The following LYRM4 variants were observed in gnomAD, a reference collection of about 807,000 sequenced individuals.
The protein encoded by LYRM4 is LYR motif containing 4.
In LYRM4, 9 loss-of-function variants were observed where a neutral mutation model predicts 11.7. The ratio of observed to expected loss-of-function variants is 0.77; its 90% CI spans 0.46 to 1.34. LYRM4 has a LOEUF of 1.34. Among genes scored for constraint, LYRM4 ranks in the 40% most tolerant of loss-of-function variants. The pLI is 0.00. For missense variants in LYRM4, 133 were observed against 112.5 expected (o/e 1.18, Z -0.82); for synonymous variants, 42 against 40.4 (o/e 1.04, Z -0.15).
chr6:5,217,301 C>T (rs762342641), intron 1 of LYRM4, among the ~76,000 whole-genome samples: 5 of 152,226 alleles, frequency 3.3e-5, no homozygotes, highest in Non-Finnish European at 2.9e-5. Context: ...ACAGTTGAAC[C>T]TGTGGAATTA....
intron 2 of LYRM4, among the ~76,000 whole-genome samples, chr6:5,144,909 C>T (rs556449698): frequency 7.2e-5 from 11 of 152,200 alleles, no homozygotes; most frequent in South Asian, 2.1e-4. Flanking sequence ...GACGCTTTGA[C>T]GCGACATGGG....
chr6:5,211,892 A>T lies in LYRM4; in HGVS notation c.207+4726T>A, dbSNP rs142267125. 7.2e-5 allele frequency among the ~76,000 whole-genome samples: 11 copies of T among 152,358 alleles called. No individual in the cohort carries two copies. In the East Asian group the frequency reaches 2.1e-3, roughly 29 times the overall value. ...AGGGGAATCTCATTAGAATCCAGAA[A>T]CCCAGTTCTGGCAACTTCTCTGGTG... On this transcript the variant is annotated intron_variant, in intron 2 of 2. Coordinates refer to ENST00000330636, the MANE Select transcript of LYRM4 (RefSeq NM_020408.6).
rs141670841 is a variant in LYRM4, at chr6:5,178,088, T to G, written c.207+38530A>C. 6.6e-4 allele frequency among the ~76,000 whole-genome samples: 101 copies of G among 152,330 alleles called. 1 individual carries two copies. The highest frequency in any genetic ancestry group is 2.4e-3 in the African/African-American group (99 of 41,564). On this transcript the variant is annotated intron_variant, in intron 2 of 2. Transcript: ENST00000330636. ...AGCTTAAGAGCAGTGACTAAAATTG[T>G]CTTTTCATCTTATATCCCTGGTGTC...
chr6:5,073,916 C>G, the LYRM4 span, among the ~76,000 whole-genome samples: 7 of 152,252 alleles, frequency 4.6e-5, 1 homozygote, highest in Admixed American at 1.3e-4. Context: ...GACTGGCTGG[C>G]CTTATACCTT....
chr6:5,121,398 G>C (rs1381353733), intron 2 of LYRM4, among the ~76,000 whole-genome samples: 1 of 152,116 alleles, frequency 6.6e-6, no homozygotes, highest in Non-Finnish European at 1.5e-5. Context: ...CTCAGGGTGG[G>C]GAAGACAGTT....
chr6:5,139,084 G>A (rs1316108816), intron 2 of LYRM4, among the ~76,000 whole-genome samples: 5 of 152,166 alleles, frequency 3.3e-5, no homozygotes, highest in East Asian at 1.9e-4. Flanking sequence ...ATTGAATGTC[G>A]TCCTTGTTAA....
chr6:5,238,955 G>A (rs1236695236), intron 1 of LYRM4, among the ~76,000 whole-genome samples: 5 of 152,206 alleles, frequency 3.3e-5, no homozygotes, highest in Non-Finnish European at 4.4e-5. Flanking sequence ...AGCCTCTAAA[G>A]GAAGAATTCT....
intron 1 of LYRM4, among the ~76,000 whole-genome samples, chr6:5,241,061 C>A (rs1763850078): frequency 2.0e-5 from 3 of 152,338 alleles, no homozygotes; most frequent in South Asian, 4.1e-4. Flanking sequence ...ATTCTATGAA[C>A]TGCAGCTTTC....
intron 1 of LYRM4, among the ~76,000 whole-genome samples, chr6:5,250,362 T>A (rs1159381913): frequency 6.6e-6 from 1 of 152,152 alleles, no homozygotes; most frequent in East Asian, 1.9e-4. Flanking sequence ...TGCTTTAATA[T>A]CTAGAGTAAA....
the LYRM4 span, among the ~76,000 whole-genome samples, chr6:5,094,301 G>C: frequency 8.5e-5 from 13 of 152,250 alleles, no homozygotes; most frequent in East Asian, 2.5e-3. Flanking sequence ...GGAGAACAAA[G>C]CAAGATCTCA....
intron 2 of LYRM4, among the ~76,000 whole-genome samples, chr6:5,149,510 C>T (rs540658395): frequency 2.0e-5 from 3 of 151,786 alleles, no homozygotes; most frequent in Admixed American, 6.6e-5. Flanking sequence ...CTTTCAAAGT[C>T]GTAGCTCAAA....
At chr6:5,119,794 C>CAAAAAAAAAAAAA (rs968606439) in intron 2 of LYRM4, among the ~76,000 whole-genome samples, 1 of 16,876 alleles carries the variant, frequency 5.9e-5, no homozygotes, top group Non-Finnish European at 1.9e-4. Flanking sequence ...GTCTCCATAA[C>CAAAAAAAAAAAAA]AAAAAAAAAA....
chr6:5,257,471 T>C (rs1764731734), intron 1 of LYRM4, among the ~76,000 whole-genome samples: 1 of 152,218 alleles, frequency 6.6e-6, no homozygotes, highest in South Asian at 2.1e-4. Context: ...TGATAACAGG[T>C]GCCTAGCTTA....
At chr6:5,113,852 C>T (rs913309291) in intron 2 of LYRM4, among the ~76,000 whole-genome samples, 7 of 152,162 alleles carry the variant, frequency 4.6e-5, no homozygotes, top group African/African-American at 1.7e-4. Flanking sequence ...CAGGCATGTG[C>T]CGCCATGCCT....
rs564707682 is a variant in LYRM4, at chr6:5,125,894, G to A, written c.208-16403C>T. Among the ~76,000 whole-genome samples, 109 of 152,272 alleles carry A rather than the reference G, an allele frequency of 7.2e-4. 1 individual carries two copies. Among genetic ancestry groups the A allele is most frequent in the Middle Eastern group, 3.4e-3 (1 of 294 alleles). On this transcript the variant is annotated intron_variant, in intron 2 of 2. Transcript: ENST00000330636. ...ATGTGCGTTTTGGTTCAAACAAGGC[G>A]GCTGATCCACTTTTCTCAGCATCAA... is the stretch of plus-strand genomic sequence containing the variant.
chr6:5,222,605 C>T (rs1332799217), intron 1 of LYRM4, among the ~76,000 whole-genome samples: 1 of 151,984 alleles, frequency 6.6e-6, no homozygotes, highest in Non-Finnish European at 1.5e-5. Flanking sequence ...GCGGTGTTTT[C>T]ACATGCCCTT....
chr6:5,102,785 C>T (rs1373003031), downstream of LYRM4: 2 of 152,230 alleles, frequency 1.3e-5, no homozygotes, highest in African/African-American at 4.8e-5. Flanking sequence ...GCTACTCAGG[C>T]TCCAAGTGCA....
chr6:5,251,965 A>G (rs73718012), intron 1 of LYRM4, among the ~76,000 whole-genome samples: 3,222 of 152,296 alleles, frequency 0.021, 101 homozygotes, highest in African/African-American at 0.072. Flanking sequence ...CAAAAAGAAA[A>G]CAGATTCCTA....
chr6:5,162,511 G>GCGAGAGAGAGAGAA (rs1554133080), intron 2 of LYRM4, among the ~76,000 whole-genome samples: 1 of 147,630 alleles, frequency 6.8e-6, no homozygotes. Context: ...GAGAGAGAGA[G>GCGAGAGAGAGAGAA]AGAGAGAGAG....
Sources: allele counts gnomAD v4.1 joint callset (sites outside exome capture counted in the v4.1 genomes callset), GRCh38; gene constraint gnomAD v4.1.1; transcripts MANE v1.5; gene names NCBI Gene and HGNC (gene_info 2026-07-23, HGNC 2026-07-21).